The following SP100 variants were observed in gnomAD, a reference collection of about 807,000 sequenced individuals.
SP100 encodes the protein SP100 nuclear body protein.
A neutral mutation model predicts 130.0 loss-of-function variants in SP100; 84 were observed. The observed-to-expected ratio is 0.65, with a 90% CI of 0.54 to 0.77. The LOEUF (loss-of-function observed/expected upper bound fraction) is 0.77, where lower values mean the gene tolerates loss of function less well. SP100 is among the 30% of genes least tolerant of loss of function. SP100 has a pLI of 0.00. For missense variants in SP100, 978 were observed against 1,052.2 expected (o/e 0.93, Z 0.97); for synonymous variants, 331 against 351.7 (o/e 0.94, Z 0.66).
In SP100 at chr2:230,461,246, C is replaced by T; in HGVS notation, c.821-16C>T. The T allele has an allele frequency of 6.2e-7, 1 of 1,610,638 alleles. No individual in the cohort carries two copies. The highest frequency in any genetic ancestry group is 1.1e-5 in the South Asian group (1 of 90,882). The stretch of plus-strand genomic sequence containing the variant: ...ACTGGGGACACAAATGAAAATTCTT[C>T]ATTTATTACAATTAGGCCCAGAGGC... On this transcript the variant is annotated splice_polypyrimidine_tract_variant and intron_variant, in intron 8 of 28. Coordinates refer to ENST00000340126, the MANE Select transcript of SP100 (RefSeq NM_001080391.2).
chr2:230,516,508 T>C (rs1433553002), intron 24 of SP100: 1 of 152,192 alleles, frequency 6.6e-6, no homozygotes, highest in Non-Finnish European at 1.5e-5. Context: ...GTCATAAAAG[T>C]CACTTTATTC....
At chr2:230,440,604 T>C in intron 2 of SP100, 1 of 1,347,544 alleles carries the variant, frequency 7.4e-7, no homozygotes, top group Non-Finnish European at 9.6e-7. Context: ...GGAAGCTCAA[T>C]GTTGTTGTCA....
At chr2:230,469,779 T>C in intron 14 of SP100, 2 of 1,366,780 alleles carry the variant, frequency 1.5e-6, no homozygotes, top group Non-Finnish European at 1.9e-6. Context: ...TTTCCCAAAG[T>C]TAAAAAAAAA....
chr2:230,521,414 G>A (rs187899753), intron 24 of SP100, among the ~76,000 whole-genome samples: 9 of 152,230 alleles, frequency 5.9e-5, no homozygotes, highest in African/African-American at 1.9e-4. Flanking sequence ...ACTGACCCCC[G>A]GTGCCTGCCT....
rs899335625 is a variant in SP100, at chr2:230,489,707, C to T, written c.1601-4709C>T. Reference sequence around the variant, plus strand: ...TAGCTGTGTCCCAGAGATTTTGGTACGTTGTCTTTTTGTTCTCATTGGTTT... The same window carrying T: ...TAGCTGTGTCCCAGAGATTTTGGTATGTTGTCTTTTTGTTCTCATTGGTTT... On this transcript the variant is annotated intron_variant, in intron 17 of 28. Coordinates refer to ENST00000340126, the MANE Select transcript of SP100 (RefSeq NM_001080391.2). Among the ~76,000 whole-genome samples, 9 of 152,090 alleles carry T rather than the reference C, an allele frequency of 5.9e-5. No homozygotes were observed. In the South Asian group the frequency reaches 6.2e-4, roughly 11 times the overall value.
At chr2:230,502,032 C>CT (rs34173215) in intron 19 of SP100, among the ~76,000 whole-genome samples, 15,033 of 135,948 alleles carry the variant, frequency 0.11, 937 homozygotes, top group Middle Eastern at 0.19. Context: ...CCACACCCAG[C>CT]TTTTTTTTTT....
intron 17 of SP100, among the ~76,000 whole-genome samples, chr2:230,482,890 A>G (rs893609337): frequency 2.0e-4 from 31 of 152,134 alleles, no homozygotes; most frequent in Admixed American, 1.9e-3. Context: ...TATCATTCTT[A>G]TAACTTTTAA....
At position 230,511,382 on chromosome 2, in the gene SP100, T is replaced by G. The variant is rs529454902; in HGVS notation, c.2094+216T>G. Among the ~76,000 whole-genome samples, 3 of 152,272 alleles carry G rather than the reference T, an allele frequency of 2.0e-5. No homozygotes were observed. In the East Asian group the frequency reaches 5.8e-4, roughly 29 times the overall value. On this transcript the variant is annotated intron_variant, in intron 24 of 28. Coordinates refer to ENST00000340126, the MANE Select transcript of SP100 (RefSeq NM_001080391.2). Reference sequence around the variant, plus strand: ...CAGTAGAAATCTTCAAATTTCCTCATTTCCCTTAGAAAGTGAGTATAGGAG... The same window carrying G: ...CAGTAGAAATCTTCAAATTTCCTCAGTTCCCTTAGAAAGTGAGTATAGGAG...
At chr2:230,424,589 A>G (rs1022434675) in intron 2 of SP100, among the ~76,000 whole-genome samples, 1 of 151,916 alleles carries the variant, frequency 6.6e-6, no homozygotes, top group Non-Finnish European at 1.5e-5. Context: ...GAATTGCTTG[A>G]AAACAGGAGA....
intron 24 of SP100, among the ~76,000 whole-genome samples, chr2:230,521,075 G>A (rs1691149528): frequency 6.6e-6 from 1 of 152,138 alleles, no homozygotes; most frequent in African/African-American, 2.4e-5. Flanking sequence ...ACCTTCCCAA[G>A]GTAGGTTAAT....
At chr2:230,425,545 T>C (rs539960175) in intron 2 of SP100, among the ~76,000 whole-genome samples, 1 of 152,352 alleles carries the variant, frequency 6.6e-6, no homozygotes, top group South Asian at 2.1e-4. Context: ...TCTGTTAACG[T>C]TGCACAACAC....
chr2:230,446,707 C>G, intron 4 of SP100, 112 bp from the exon 5 acceptor site: 1 of 651,238 alleles, frequency 1.5e-6, no homozygotes, highest in Non-Finnish European at 2.7e-6. Context: ...CATGTGGAAC[C>G]CTCTGAGCTC....
At chr2:230,525,022 T>C (rs1691355961) in intron 24 of SP100, among the ~76,000 whole-genome samples, 1 of 151,978 alleles carries the variant, frequency 6.6e-6, no homozygotes, top group Non-Finnish European at 1.5e-5. Context: ...AACAAGTAAG[T>C]AAAGGAGAGA....
intron 21 of SP100, among the ~76,000 whole-genome samples, chr2:230,505,117 A>G (rs956476615): frequency 6.6e-6 from 1 of 152,202 alleles, no homozygotes; most frequent in Non-Finnish European, 1.5e-5. Context: ...AAACTTGCAT[A>G]TGGACAATGG....
chr2:230,489,609 G>T (rs979945761), intron 17 of SP100, among the ~76,000 whole-genome samples: 1 of 151,966 alleles, frequency 6.6e-6, no homozygotes, highest in Admixed American at 6.6e-5. Context: ...TGATATTAGG[G>T]TATAGATTTT....
intron 8 of SP100, among the ~76,000 whole-genome samples, chr2:230,457,650 T>G (rs2064352823): frequency 6.6e-6 from 1 of 152,208 alleles, no homozygotes; most frequent in African/African-American, 2.4e-5. Flanking sequence ...ACAGTGAAAC[T>G]TTTCTTCCTG....
intron 6 of SP100, 188 bp downstream of exon 6, chr2:230,449,338 CCACACCCCTTAAT>C: frequency 1.3e-6 from 1 of 782,928 alleles, no homozygotes; most frequent in East Asian, 2.6e-5. Context: ...TTTCTTCCTC[CCACACCCCTTAAT>C]CACACTTGCT....
chr2:230,512,575 A>G (rs1267978323), intron 24 of SP100, among the ~76,000 whole-genome samples: 1 of 152,078 alleles, frequency 6.6e-6, no homozygotes, highest in African/African-American at 2.4e-5. Context: ...GGCATGAGCC[A>G]CCGCACTGGC....
intron 24 of SP100, among the ~76,000 whole-genome samples, chr2:230,530,643 AC>A (rs1170963889): frequency 1.3e-5 from 2 of 152,232 alleles, no homozygotes; most frequent in Admixed American, 6.5e-5. Flanking sequence ...TGAACAGGCA[AC>A]CTACAGAATG....
Sources: gnomAD v4.1 joint callset for allele counts (sites outside exome capture counted in the v4.1 genomes callset) on GRCh38, gnomAD v4.1.1 for gene constraint, MANE v1.5 for transcripts, NCBI Gene and HGNC (gene_info 2026-07-23, HGNC 2026-07-21) for gene names.